Variants in UHMK1 observed in about 807,000 individuals in gnomAD.
UHMK1 encodes serine/threonine-protein kinase Kist.
UHMK1 carries 18 observed loss-of-function variants against 44.0 expected under a neutral mutation model. The ratio of observed to expected loss-of-function variants is 0.41; its 90% CI spans 0.28 to 0.61. The LOEUF is 0.61. UHMK1 is among the 20% of genes least tolerant of loss of function. The probability of loss-of-function intolerance (pLI) is 0.31; values close to 1 mark genes in which losing one functional copy is unlikely to be tolerated. For missense variants in UHMK1, 463 were observed against 522.5 expected (o/e 0.89, Z 1.11); for synonymous variants, 231 against 198.5 (o/e 1.16, Z -1.38).
chr1:162,510,544 A>C (rs532382241), intron 4 of UHMK1, among the ~76,000 whole-genome samples: 6 of 152,334 alleles, frequency 3.9e-5, no homozygotes, highest in Non-Finnish European at 5.9e-5. Context: ...TCTGTGTTGA[A>C]AATGACAGGA....
intron 6 of UHMK1, among the ~76,000 whole-genome samples, chr1:162,516,893 A>G (rs1473557267): frequency 6.6e-6 from 1 of 152,238 alleles, no homozygotes; most frequent in Admixed American, 6.5e-5. Flanking sequence ...ATTTTTGTAC[A>G]TTACTAGAGA....
chr1:162,500,767 G>T (rs537492338), intron 2 of UHMK1, 146 bp from the exon 3 acceptor site: 1 of 709,310 alleles, frequency 1.4e-6, no homozygotes, highest in African/African-American at 1.8e-5. Flanking sequence ...ATGAACCAAA[G>T]AATTATGGTA....
intron 4 of UHMK1, among the ~76,000 whole-genome samples, chr1:162,506,781 T>C (rs899979103): frequency 7.2e-5 from 11 of 152,080 alleles, no homozygotes; most frequent in Admixed American, 1.3e-4. Flanking sequence ...AGAGAATTGC[T>C]TGAACCTGGG....
intron 1 of UHMK1, 143 bp from the exon 2 acceptor site, chr1:162,499,812 C>G: frequency 1.3e-6 from 1 of 745,578 alleles, no homozygotes; most frequent in Admixed American, 3.0e-5. Flanking sequence ...AGATCTTATT[C>G]ATGGGAAAAA....
At chr1:162,521,981 C>T (rs1186742139) in intron 7 of UHMK1, among the ~76,000 whole-genome samples, 1 of 152,162 alleles carries the variant, frequency 6.6e-6, no homozygotes, top group African/African-American at 2.4e-5. Context: ...AATATTTTTT[C>T]CTTTTTCACT....
rs1052171091 is a variant in UHMK1 at position 162,524,563 on chromosome 1, G to A, written c.*2013G>A. 6.6e-6 allele frequency: 1 copy of A among 152,116 alleles called. No homozygotes were observed. Among genetic ancestry groups the A allele is most frequent in the Non-Finnish European group, 1.5e-5 (1 of 68,026 alleles). The allele number at this position is 152,116 out of a possible 1,614,324, so 9.4% of individuals were successfully genotyped here. ...TTAGAAACATCAGGTCCTTAAATAC[G>A]ATGAACATGGGATACAAAGGAATTC... On this transcript the variant is annotated 3_prime_UTR_variant, in exon 8 of 8. Coordinates refer to ENST00000489294, the MANE Select transcript of UHMK1 (RefSeq NM_175866.5).
intron 7 of UHMK1, among the ~76,000 whole-genome samples, chr1:162,520,502 C>T (rs1196082031): frequency 1.3e-5 from 2 of 152,076 alleles, no homozygotes; most frequent in African/African-American, 4.8e-5. Context: ...AAGGAAGAAA[C>T]TTAAGGAGTG....
chr1:162,518,701 A>G (rs1651930721), intron 7 of UHMK1, among the ~76,000 whole-genome samples: 1 of 144,178 alleles, frequency 6.9e-6, no homozygotes, highest in South Asian at 2.2e-4. Flanking sequence ...AAAAAAAACT[A>G]CTTTTGGCTG....
At chr1:162,510,897 A>G (rs774179228) in intron 4 of UHMK1, among the ~76,000 whole-genome samples, 1 of 151,832 alleles carries the variant, frequency 6.6e-6, no homozygotes, top group Non-Finnish European at 1.5e-5. Flanking sequence ...ACTTTCCATA[A>G]TGGCTTTACT....
rs142660398 is a variant in UHMK1, at chr1:162,522,729, G to A, written c.*179G>A. The A allele has an allele frequency of 1.6e-4, 101 of 649,060 alleles. No individual in the cohort carries two copies. The East Asian group carries it at 2.6e-3, about 16-fold the overall frequency. The allele number at this position is 649,060 out of a possible 1,614,324, so 40.2% of individuals were successfully genotyped here. A position where few individuals can be genotyped will look rare whatever the true frequency, so the allele number is the denominator to read the frequency against. On this transcript the variant is annotated 3_prime_UTR_variant, in exon 8 of 8. Coordinates refer to ENST00000489294, the MANE Select transcript of UHMK1 (RefSeq NM_175866.5). Reference sequence around the variant, plus strand: ...CGTTGCATACATTTGGCACTGAGTAGGACAAGACCTCTCAGCTATACATTG... The same window carrying A: ...CGTTGCATACATTTGGCACTGAGTAAGACAAGACCTCTCAGCTATACATTG...
chr1:162,512,430 T>C, intron 4 of UHMK1, 70 bp from the exon 5 acceptor site: 1 of 1,238,610 alleles, frequency 8.1e-7, no homozygotes, highest in Non-Finnish European at 1.1e-6. Flanking sequence ...CAGACATTCT[T>C]ACTTTCTTTA....
At chr1:162,503,890 T>C in intron 4 of UHMK1, 42 bp downstream of exon 4, 1 of 1,452,372 alleles carries the variant, frequency 6.9e-7, no homozygotes, top group Non-Finnish European at 9.6e-7. Flanking sequence ...ATTCATGTAC[T>C]ATGTGAAATG....
At chr1:162,506,272 A>G (rs1468687779) in intron 4 of UHMK1, among the ~76,000 whole-genome samples, 3 of 141,092 alleles carry the variant, frequency 2.1e-5, no homozygotes, top group East Asian at 2.3e-4. Context: ...TGGAAACTAT[A>G]GAAAGTCATC....
chr1:162,497,305 C>G, upstream of UHMK1: 1 of 702,596 alleles, frequency 1.4e-6, no homozygotes. Context: ...AGGTATGAGG[C>G]TAGTCGGACC....
chr1:162,526,830 T>G lies in UHMK1; in HGVS notation c.*4280T>G. On this transcript the variant is annotated 3_prime_UTR_variant, in exon 8 of 8. Transcript: ENST00000489294. The stretch of plus-strand genomic sequence containing the variant: ...ATTCTTCCTTGGATCTCTAGTTCTG[T>G]TTTTAATATCAGGTTCCTTCATCAA... 6.6e-6 allele frequency: 1 copy of G among 152,114 alleles called. No homozygotes were observed. Among genetic ancestry groups the G allele is most frequent in the East Asian group, 1.9e-4 (1 of 5,194 alleles). 9.4% of individuals were successfully genotyped at this position (152,114 alleles called of 1,614,324 possible). A position where few individuals can be genotyped will look rare whatever the true frequency, so the allele number is the denominator to read the frequency against.
intron 6 of UHMK1, 114 bp from the exon 7 acceptor site, chr1:162,517,988 A>G (rs780355355): frequency 3.7e-5 from 24 of 649,508 alleles, no homozygotes; most frequent in Non-Finnish European, 6.2e-5. Flanking sequence ...AAGACATAAA[A>G]TGACCTCATT....
At chr1:162,514,904 A>G (rs555905723) in intron 6 of UHMK1, among the ~76,000 whole-genome samples, 10 of 152,354 alleles carry the variant, frequency 6.6e-5, no homozygotes, top group African/African-American at 2.4e-4. Context: ...AAAAGTAGGT[A>G]GGAAGTTAGT....
intron 4 of UHMK1, among the ~76,000 whole-genome samples, chr1:162,505,413 TA>T (rs34417312): frequency 8.5e-6 from 1 of 117,998 alleles, no homozygotes. Context: ...AAAGTAGGAA[TA>T]AAAAAATATA....
intron 7 of UHMK1, among the ~76,000 whole-genome samples, chr1:162,521,137 A>G (rs1652041424): frequency 6.6e-6 from 1 of 152,210 alleles, no homozygotes; most frequent in Admixed American, 6.5e-5. Flanking sequence ...ATTCAAGCAA[A>G]CATGATTTTA....
Sources: allele counts gnomAD v4.1 joint callset (sites outside exome capture counted in the v4.1 genomes callset), GRCh38; gene constraint gnomAD v4.1.1; transcripts MANE v1.5; gene names NCBI Gene and HGNC (gene_info 2026-07-23, HGNC 2026-07-21).